The following ZNF596 variants were observed in gnomAD, a reference collection of about 807,000 sequenced individuals.
The protein encoded by ZNF596 is zinc finger protein 596.
Under a neutral mutation model 48.3 loss-of-function variants are expected in ZNF596, and 45 were observed. That is an observed-to-expected ratio of 0.93 (90% confidence interval 0.73 to 1.19). The LOEUF is 1.19. Among genes scored for constraint, ZNF596 ranks in the 50% most tolerant of loss-of-function variants. The probability of loss-of-function intolerance (pLI) is 0.00; values close to 1 mark genes in which losing one functional copy is unlikely to be tolerated. For synonymous variants in ZNF596, 270 were observed against 202.0 expected, an observed-to-expected ratio of 1.34 and a Z score of -2.85; for missense variants, 848 against 599.7, an observed-to-expected ratio of 1.41 and a Z score of -4.32.
intron 1 of ZNF596, among the ~76,000 whole-genome samples, chr8:239,247 G>A (rs1236313525): frequency 6.6e-6 from 1 of 152,196 alleles, no homozygotes; most frequent in East Asian, 1.9e-4. Context: ...GGAGTGCAGT[G>A]GTTCGATCTC....
At position 245,424 on chromosome 8, in the gene ZNF596, A is replaced by G. The variant is rs752824962; in HGVS notation, c.577A>G (p.Ile193Val). The G allele has an allele frequency of 6.2e-7, 1 of 1,614,202 alleles. No homozygotes were observed. Among genetic ancestry groups the G allele is most frequent in the Non-Finnish European group, 8.5e-7 (1 of 1,180,016 alleles). Reference protein sequence around the residue: ...RPHSVTHTREITLECRVCGKT... With the variant: ...RPHSVTHTREVTLECRVCGKT... ...ACACAGTGTGACTCACACTAGAGAG[A>G]TAACATTGGAATGTCGTGTGTGTGG... The change falls in exon 6 of 6, where the codon ATA becomes GTA. Residue 193 changes from isoleucine to valine, a missense_variant. Physicochemically the swap from Ile to Val is conservative, Grantham distance 29 (BLOSUM62 3). Transcript: ENST00000398612.
At chr8:241,626 ACT>A (rs1196275616) in intron 2 of ZNF596, among the ~76,000 whole-genome samples, 12 of 152,098 alleles carry the variant, frequency 7.9e-5, no homozygotes, top group African/African-American at 2.2e-4. Context: ...TAAATTTAAA[ACT>A]CTGAGGAAAT....
intron 1 of ZNF596, 45 bp downstream of exon 1, chr8:232,739 G>A (rs1796459161): frequency 2.5e-6 from 1 of 406,538 alleles, no homozygotes; most frequent in Middle Eastern, 7.4e-4. Flanking sequence ...CCCCACCCTC[G>A]CCCCTCTTGG....
Position 243,707 on chromosome 8 carries a change from T to G in ZNF596, c.140-15T>G, listed in dbSNP as rs765273886. ...CACAGAACTCAAAATCCATGTATCT[T>G]TTTCCCCAAAACAGGCAAACAGCTC... On this transcript the variant is annotated splice_polypyrimidine_tract_variant and intron_variant, in intron 3 of 5. Coordinates refer to ENST00000398612, the MANE Select transcript of ZNF596 (RefSeq NM_001042416.3). 6.2e-7 allele frequency: 1 copy of G among 1,612,644 alleles called. No homozygotes were observed. Among genetic ancestry groups the G allele is most frequent in the Non-Finnish European group, 8.5e-7 (1 of 1,179,026 alleles).
At chr8:241,380 A>G (rs1214619336) in intron 2 of ZNF596, among the ~76,000 whole-genome samples, 1 of 152,200 alleles carries the variant, frequency 6.6e-6, no homozygotes, top group Non-Finnish European at 1.5e-5. Flanking sequence ...GGGAAAGCAG[A>G]TAGGGTTAGG....
intron 5 of ZNF596, 49 bp from the exon 6 acceptor site, chr8:245,105 T>G: frequency 6.6e-7 from 1 of 1,515,990 alleles, no homozygotes; most frequent in Non-Finnish European, 8.8e-7. Context: ...AAGTAATGAA[T>G]GAGTGTGGAT....
At position 240,784 on chromosome 8, in the gene ZNF596, G is replaced by A. The variant is rs764206498; in HGVS notation, c.-72-40G>A. The A allele has an allele frequency of 4.5e-6, 6 of 1,347,202 alleles. No homozygotes were observed. The African/African-American group carries it at 8.6e-5, about 19-fold the overall frequency. 83.5% of individuals were successfully genotyped at this position (1,347,202 alleles called of 1,614,324 possible). Reference sequence around the variant, plus strand: ...GGCAGATGTTAGAAGCAAAACTGGAGTGTCATGGTTTTTTTGTTTTTGTTT... The same window carrying A: ...GGCAGATGTTAGAAGCAAAACTGGAATGTCATGGTTTTTTTGTTTTTGTTT... On this transcript the variant is annotated intron_variant, in intron 1 of 5. Transcript: ENST00000398612.
At chr8:233,422 A>G in intron 1 of ZNF596, 2 of 283,852 alleles carry the variant, frequency 7.0e-6, no homozygotes, top group Non-Finnish European at 1.4e-5. Context: ...TATTGAAAAT[A>G]CTTTTTGTTT....
At chr8:243,469 C>A in intron 3 of ZNF596, 1 of 386,612 alleles carries the variant, frequency 2.6e-6, no homozygotes, top group South Asian at 4.1e-5. Context: ...TAAGTGAAAA[C>A]ACTGAGGATT....
rs770706627 is a variant in ZNF596 at position 245,978 on chromosome 8, G to A, written c.1131G>A (p.Val377=). The A allele has an allele frequency of 1.9e-6, 3 of 1,613,154 alleles. No individual in the cohort carries two copies. The highest frequency in any genetic ancestry group is 2.5e-6 in the Non-Finnish European group (3 of 1,179,760). Residue 377 remains valine, a synonymous_variant, in exon 6 of 6, where the codon GTG becomes GTA. Transcript: ENST00000398612. ...LCGKAFTESS[V]LKRHERIHTG... ...GGAAAGCATTCACTGAATCTTCTGT[G>A]CTTAAACGACATGAGAGAATTCACA...
intron 1 of ZNF596, among the ~76,000 whole-genome samples, chr8:233,916 G>C (rs1434250837): frequency 6.6e-6 from 1 of 152,162 alleles, no homozygotes; most frequent in African/African-American, 2.4e-5. Context: ...TCGTATTAAG[G>C]TCATGCCATT....
chr8:241,627 C>A (rs1260548308), intron 2 of ZNF596, among the ~76,000 whole-genome samples: 1 of 152,076 alleles, frequency 6.6e-6, no homozygotes, highest in Non-Finnish European at 1.5e-5. Flanking sequence ...AAATTTAAAA[C>A]TCTGAGGAAA....
At position 246,018 on chromosome 8, in the gene ZNF596, T is replaced by A; in HGVS notation, c.1171T>A (p.Tyr391Asn). Residue 391 changes from tyrosine (Y) to asparagine (N), a missense_variant, in exon 6 of 6, where the codon TAT (tyrosine) becomes AAT (asparagine). Physicochemically the swap from Tyr to Asn is moderately radical, Grantham distance 143 (BLOSUM62 -2). Coordinates refer to ENST00000398612, the MANE Select transcript of ZNF596 (RefSeq NM_001042416.3). ...HERIHTGEKPYECHVCGKAFT... is the reference protein window; with the variant it reads ...HERIHTGEKPNECHVCGKAFT... ...GAGAATTCACACTGGAGAGAAACCA[T>A]ATGAGTGCCATGTATGTGGGAAAGC... 6.2e-7 allele frequency: 1 copy of A among 1,613,270 alleles called. No homozygotes were observed. Among genetic ancestry groups the A allele is most frequent in the Non-Finnish European group, 8.5e-7 (1 of 1,179,826 alleles).
chr8:234,743 T>G (rs1267305482), intron 1 of ZNF596: 1 of 152,184 alleles, frequency 6.6e-6, no homozygotes, highest in East Asian at 1.9e-4. Context: ...GCTATCACAC[T>G]GTGACCCAGT....
chr8:243,322 G>A, intron 3 of ZNF596: 2 of 275,704 alleles, frequency 7.3e-6, no homozygotes, highest in South Asian at 1.4e-4. Flanking sequence ...ATAAATAAAT[G>A]TATTGATTTC....
rs1194036495 is a variant in ZNF596, at chr8:246,815, C to A, written c.*453C>A. On this transcript the variant is annotated 3_prime_UTR_variant, in exon 6 of 6. Transcript: ENST00000398612. ...TGCAAGAAAATTCATTATAAGGTAA[C>A]TGATAAAAACAGGAAATATGTGAAA... 1 of 155,012 alleles carries A rather than the reference C, an allele frequency of 6.5e-6. No individual in the cohort carries two copies. Among genetic ancestry groups the A allele is most frequent in the African/African-American group, 2.4e-5 (1 of 41,488 alleles). The allele number at this position is 155,012 out of a possible 1,614,324, so 9.6% of individuals were successfully genotyped here. A position where few individuals can be genotyped will look rare whatever the true frequency, so the allele number is the denominator to read the frequency against.
chr8:242,689 G>A (rs1482902065), intron 2 of ZNF596, among the ~76,000 whole-genome samples, 198 bp from the exon 3 acceptor site: 1 of 152,186 alleles, frequency 6.6e-6, no homozygotes, highest in Non-Finnish European at 1.5e-5. Context: ...ATTTCTCTAT[G>A]TGAAGTTTTA....
chr8:246,858 G>A lies in ZNF596; in HGVS notation c.*496G>A, dbSNP rs1797110577. The A allele has an allele frequency of 6.5e-6, 1 of 154,850 alleles. No homozygotes were observed. Among genetic ancestry groups the A allele is most frequent in the African/African-American group, 2.4e-5 (1 of 41,446 alleles). The allele number at this position is 154,850 out of a possible 1,614,324, so 9.6% of individuals were successfully genotyped here. ...ATGTGAAAATATTTTTTATTAGGTG[G>A]ATGAGGCCTCTTGAACAATTCCAGA... On this transcript the variant is annotated 3_prime_UTR_variant, in exon 6 of 6. Coordinates refer to ENST00000398612, the MANE Select transcript of ZNF596 (RefSeq NM_001042416.3).
At chr8:243,139 CT>C (rs1796922285) in intron 3 of ZNF596, 126 bp downstream of exon 3, 2 of 789,094 alleles carry the variant, frequency 2.5e-6, no homozygotes. Flanking sequence ...TCAACTTCTG[CT>C]TTGATCCTTT....
Sources: allele counts gnomAD v4.1 joint callset (sites outside exome capture counted in the v4.1 genomes callset), GRCh38; gene constraint gnomAD v4.1.1; transcripts MANE v1.5; gene names NCBI Gene and HGNC (gene_info 2026-07-23, HGNC 2026-07-21).